The following C16orf87 variants were observed in gnomAD, a reference collection of about 807,000 sequenced individuals.
The protein encoded by C16orf87 is HDAC and MIER1 interacting protein 1.
C16orf87 carries 13 observed loss-of-function variants against 21.0 expected under a neutral mutation model. The ratio of observed to expected loss-of-function variants is 0.62; its 90% CI spans 0.40 to 0.98. C16orf87 has a LOEUF of 0.98. C16orf87 is among the 50% of genes least tolerant of loss of function. C16orf87 has a pLI of 0.00. For synonymous variants in C16orf87, 49 were observed against 60.2 expected (o/e 0.81, Z 0.86); for missense variants, 113 against 180.4 (o/e 0.63, Z 2.14).
intron 2 of C16orf87, among the ~76,000 whole-genome samples, chr16:46,817,734 A>T (rs984510553): frequency 6.6e-6 from 1 of 152,010 alleles, no homozygotes; most frequent in Non-Finnish European, 1.5e-5. Context: ...CTGGGAGTAC[A>T]ATGGAAAGAA....
chr16:46,822,484 T>G (rs1221505111), intron 2 of C16orf87, among the ~76,000 whole-genome samples: 4 of 152,122 alleles, frequency 2.6e-5, no homozygotes, highest in Non-Finnish European at 5.9e-5. Context: ...TTTAACAAGT[T>G]CTCTGCATGA....
intron 3 of C16orf87, among the ~76,000 whole-genome samples, chr16:46,807,631 A>AT (rs1967968973): frequency 1.3e-5 from 2 of 152,162 alleles, no homozygotes; most frequent in Admixed American, 1.3e-4. Context: ...AGCCTAGAAC[A>AT]TTTACTATCT....
intron 2 of C16orf87, among the ~76,000 whole-genome samples, chr16:46,820,517 C>G (rs765987086): frequency 6.6e-5 from 10 of 152,138 alleles, no homozygotes; most frequent in Non-Finnish European, 1.0e-4. Context: ...CATTTCAGTA[C>G]ATAAAATCTG....
chr16:46,826,680 AT>A (rs1381490755), intron 1 of C16orf87, among the ~76,000 whole-genome samples: 2 of 152,248 alleles, frequency 1.3e-5, no homozygotes, highest in African/African-American at 2.4e-5. Flanking sequence ...GACAAAAAAA[AT>A]GCTACATTTT....
chr16:46,829,396 A>G (rs775649590), intron 1 of C16orf87, among the ~76,000 whole-genome samples: 11 of 152,208 alleles, frequency 7.2e-5, no homozygotes, highest in South Asian at 2.1e-4. Context: ...AGAAACTCCT[A>G]TAAGTTTATT....
chr16:46,809,703 T>C lies in C16orf87; in HGVS notation c.246A>G (p.Glu82=), dbSNP rs1426950899. The change falls in exon 3 of 4, where the codon GAA becomes GAG. Residue 82 remains glutamate, a synonymous_variant. Coordinates refer to ENST00000285697, the MANE Select transcript of C16orf87 (RefSeq NM_001001436.4). The stretch of plus-strand genomic sequence containing the variant: ...TGTTACTTCGAGACCTCTTTCTGTT[T>C]TCTAAATCTTTATTTACTGTAGAAT... ...KINSTVNKDL[E]NRKRSRSNSH... 2 of 1,609,022 alleles carry C rather than the reference T, an allele frequency of 1.2e-6. No individual in the cohort carries two copies. Among genetic ancestry groups the C allele is most frequent in the Non-Finnish European group, 1.7e-6 (2 of 1,175,526 alleles).
intron 3 of C16orf87, among the ~76,000 whole-genome samples, chr16:46,804,817 TTCTG>T (rs1290385788): frequency 1.3e-5 from 2 of 152,188 alleles, no homozygotes; most frequent in Non-Finnish European, 2.9e-5. Flanking sequence ...CACAGAATCA[TTCTG>T]TCTGTTCCTA....
At position 46,797,523 on chromosome 16, in the gene C16orf87, A is replaced by AT. The variant is rs534489540; in HGVS notation, c.*5428dup. Reference sequence around the variant, plus strand: ...CTACCACGCCTAGCTAATTTTGTGTATTTTTTGTAGAGTTGGGGTTTCACC... The same window carrying AT: ...CTACCACGCCTAGCTAATTTTGTGTATTTTTTTGTAGAGTTGGGGTTTCACC... On this transcript the variant is annotated 3_prime_UTR_variant, in exon 4 of 4. Transcript: ENST00000285697. 6.6e-6 allele frequency: 1 copy of AT among 151,964 alleles called. No individual in the cohort carries two copies. The highest frequency in any genetic ancestry group is 2.1e-4 in the South Asian group (1 of 4,826). The allele number at this position is 151,964 out of a possible 1,614,324, so 9.4% of individuals were successfully genotyped here.
chr16:46,824,369 A>G lies in C16orf87; in HGVS notation c.163+17T>C. On this transcript the variant is annotated intron_variant, in intron 2 of 3. Coordinates refer to ENST00000285697, the MANE Select transcript of C16orf87 (RefSeq NM_001001436.4). ...TTCTACATCAAAAAGCTAAAAATGTATTAAACTCACAGTTACCTGTAGAAG... is the reference window on the plus strand; with the variant it reads ...TTCTACATCAAAAAGCTAAAAATGTGTTAAACTCACAGTTACCTGTAGAAG... The G allele has an allele frequency of 8.9e-7, 1 of 1,125,790 alleles. No homozygotes were observed. Among genetic ancestry groups the G allele is most frequent in the South Asian group, 1.4e-5 (1 of 72,936 alleles). 69.7% of individuals were successfully genotyped at this position (1,125,790 alleles called of 1,614,324 possible). A position where few individuals can be genotyped will look rare whatever the true frequency, so the allele number is the denominator to read the frequency against.
At chr16:46,811,867 T>C (rs980827370) in intron 2 of C16orf87, among the ~76,000 whole-genome samples, 20 of 152,310 alleles carry the variant, frequency 1.3e-4, no homozygotes, top group African/African-American at 1.9e-4. Flanking sequence ...GGCAAGAGTA[T>C]TGCTTGAGGC....
At chr16:46,812,729 C>T (rs926104357) in intron 2 of C16orf87, among the ~76,000 whole-genome samples, 2 of 152,176 alleles carry the variant, frequency 1.3e-5, no homozygotes, top group African/African-American at 4.8e-5. Context: ...AAAAGAGGTA[C>T]CTGTACTTTC....
intron 3 of C16orf87, among the ~76,000 whole-genome samples, chr16:46,808,695 AC>A (rs1967995085): frequency 6.6e-6 from 1 of 152,106 alleles, no homozygotes; most frequent in Non-Finnish European, 1.5e-5. Context: ...TATTTTCTCT[AC>A]TCTTGCATAT....
intron 3 of C16orf87, among the ~76,000 whole-genome samples, chr16:46,806,101 T>C (rs2143053454): frequency 6.6e-6 from 1 of 152,280 alleles, no homozygotes; most frequent in South Asian, 2.1e-4. Flanking sequence ...TTAGCCTCAA[T>C]TTCACTTCTA....
chr16:46,825,749 T>TA (rs947787160), intron 1 of C16orf87, among the ~76,000 whole-genome samples: 2 of 151,056 alleles, frequency 1.3e-5, no homozygotes, highest in African/African-American at 2.4e-5. Flanking sequence ...CCGTCCCTAC[T>TA]AAAAAAAATA....
intron 3 of C16orf87, among the ~76,000 whole-genome samples, chr16:46,806,656 TTA>T (rs1967938744): frequency 6.6e-6 from 1 of 152,188 alleles, no homozygotes; most frequent in African/African-American, 2.4e-5. Context: ...CAGAATACCC[TTA>T]TATATAAAAC....
chr16:46,803,264 G>A (rs1278031410), intron 3 of C16orf87, among the ~76,000 whole-genome samples, 194 bp from the exon 4 acceptor site: 1 of 152,070 alleles, frequency 6.6e-6, no homozygotes, highest in Non-Finnish European at 1.5e-5. Context: ...AAGATTAAAT[G>A]AAGACAATAT....
intron 2 of C16orf87, among the ~76,000 whole-genome samples, chr16:46,819,382 A>C (rs1252993324): frequency 1.3e-5 from 2 of 151,940 alleles, no homozygotes; most frequent in Admixed American, 6.5e-5. Context: ...CCTTGTGCCC[A>C]GCCTGTAACC....
At position 46,802,225 on chromosome 16, in the gene C16orf87, AGTTT is replaced by A. The variant is rs539871642; in HGVS notation, c.*723_*726del. On this transcript the variant is annotated 3_prime_UTR_variant, in exon 4 of 4. Transcript: ENST00000285697. ...GGTTAACAGGCACCATCTTGAGAGCAGTTTGTTTTTTTTTTTTAGCTAATAAATA... is the reference window on the plus strand; with the variant it reads ...GGTTAACAGGCACCATCTTGAGAGCAGTTTTTTTTTTTTAGCTAATAAATA... 2.6e-5 allele frequency: 4 copies of A among 152,074 alleles called. No homozygotes were observed. The highest frequency in any genetic ancestry group is 2.6e-4 in the Admixed American group (4 of 15,238). The allele number at this position is 152,074 out of a possible 1,614,324, so 9.4% of individuals were successfully genotyped here.
At chr16:46,829,054 C>A (rs1959742326) in intron 1 of C16orf87, among the ~76,000 whole-genome samples, 1 of 152,042 alleles carries the variant, frequency 6.6e-6, no homozygotes, top group Admixed American at 6.5e-5. Flanking sequence ...GCCTTAACCG[C>A]AATGTGATGG....
Sources: gnomAD v4.1 joint callset for allele counts (sites outside exome capture counted in the v4.1 genomes callset) on GRCh38, gnomAD v4.1.1 for gene constraint, MANE v1.5 for transcripts, NCBI Gene and HGNC (gene_info 2026-07-23, HGNC 2026-07-21) for gene names.